Variants in HDGFL3 observed in about 807,000 individuals in gnomAD.
HDGFL3 encodes HDGF like 3.
A neutral mutation model predicts 27.6 loss-of-function variants in HDGFL3; 6 were observed. That is an observed-to-expected ratio of 0.22 (90% CI 0.12 to 0.43). The LOEUF is 0.43. Among genes scored for constraint, HDGFL3 ranks in the 20% least tolerant of loss-of-function variants. The pLI is 1.00. For synonymous variants in HDGFL3, 88 were observed against 88.9 expected, an observed-to-expected ratio of 0.99 and a Z score of 0.05; for missense variants, 207 against 250.1, an observed-to-expected ratio of 0.83 and a Z score of 1.16.
chr15:83,142,861 C>A (rs1231586033), intron 5 of HDGFL3, among the ~76,000 whole-genome samples: 1 of 152,024 alleles, frequency 6.6e-6, no homozygotes, highest in African/African-American at 2.4e-5. Context: ...TGTCTTTCTG[C>A]AAACTTTTCT....
chr15:83,154,142 C>T (rs1295569966), intron 4 of HDGFL3, among the ~76,000 whole-genome samples: 6 of 150,640 alleles, frequency 4.0e-5, no homozygotes, highest in African/African-American at 7.3e-5. Flanking sequence ...TGATAAAATC[C>T]GGTCTCTACT....
intron 5 of HDGFL3, among the ~76,000 whole-genome samples, 198 bp downstream of exon 5, chr15:83,151,017 G>A (rs541377963): frequency 6.6e-6 from 1 of 152,234 alleles, no homozygotes; most frequent in East Asian, 1.9e-4. Flanking sequence ...TTGACAGGCA[G>A]GTATAATTCT....
chr15:83,175,641 C>T (rs531286347), intron 1 of HDGFL3, among the ~76,000 whole-genome samples: 9 of 152,100 alleles, frequency 5.9e-5, no homozygotes, highest in Non-Finnish European at 1.3e-4. Context: ...GGGTGGATCA[C>T]GAGGTCAGGA....
intron 1 of HDGFL3, among the ~76,000 whole-genome samples, chr15:83,170,648 A>T (rs1200233590): frequency 6.6e-6 from 1 of 152,200 alleles, no homozygotes; most frequent in African/African-American, 2.4e-5. Flanking sequence ...ACCATTTTGG[A>T]CACAGGCCTT....
intron 1 of HDGFL3, among the ~76,000 whole-genome samples, chr15:83,174,371 A>C (rs1040408448): frequency 6.6e-6 from 1 of 152,156 alleles, no homozygotes. Flanking sequence ...TATCTAAATC[A>C]AGTTCTTATC....
rs1223983389 is a variant in HDGFL3 at position 83,138,852 on chromosome 15, G to A, written c.*418C>T. ...TAATTCCTGGGTTCTGTCACAGAGAGGAAATTCCATTCTTAAGCATTATGT... is the reference window on the plus strand; with the variant it reads ...TAATTCCTGGGTTCTGTCACAGAGAAGAAATTCCATTCTTAAGCATTATGT... On this transcript the variant is annotated 3_prime_UTR_variant, in exon 6 of 6. Coordinates refer to ENST00000299633, the MANE Select transcript of HDGFL3 (RefSeq NM_016073.4). 3 of 154,096 alleles carry A rather than the reference G, an allele frequency of 1.9e-5. No homozygotes were observed. The highest frequency in any genetic ancestry group is 4.3e-5 in the Non-Finnish European group (3 of 69,456). The allele number at this position is 154,096 out of a possible 1,614,324, so 9.5% of individuals were successfully genotyped here.
At chr15:83,193,111 T>C (rs1427120463) in intron 1 of HDGFL3, among the ~76,000 whole-genome samples, 2 of 152,078 alleles carry the variant, frequency 1.3e-5, no homozygotes, top group African/African-American at 2.4e-5. Context: ...TTTGAATAAA[T>C]TACAATAAGC....
At chr15:83,170,249 C>G (rs1340596878) in intron 1 of HDGFL3, among the ~76,000 whole-genome samples, 2 of 152,138 alleles carry the variant, frequency 1.3e-5, no homozygotes, top group Non-Finnish European at 2.9e-5. Context: ...AAAAAGGAAC[C>G]TGAATAACCA....
chr15:83,156,526 G>A (rs1461927838), intron 4 of HDGFL3, among the ~76,000 whole-genome samples: 1 of 152,198 alleles, frequency 6.6e-6, no homozygotes, highest in Non-Finnish European at 1.5e-5. Context: ...CACATTCTTT[G>A]AAGCAGAATG....
intron 1 of HDGFL3, among the ~76,000 whole-genome samples, chr15:83,201,148 T>C (rs2037640399): frequency 6.6e-6 from 1 of 152,064 alleles, no homozygotes; most frequent in South Asian, 2.1e-4. Context: ...AGATCCTTCA[T>C]AGTCAGTACT....
At chr15:83,183,543 T>C (rs2037404841) in intron 1 of HDGFL3, among the ~76,000 whole-genome samples, 1 of 152,024 alleles carries the variant, frequency 6.6e-6, no homozygotes, top group African/African-American at 2.4e-5. Context: ...GGCAGATCAC[T>C]AGAGGTCAGG....
intron 1 of HDGFL3, among the ~76,000 whole-genome samples, chr15:83,165,805 A>AAAG (rs1387769740): frequency 1.3e-5 from 2 of 150,076 alleles, no homozygotes; most frequent in African/African-American, 4.9e-5. Context: ...AAAAAAAAAA[A>AAAG]AAAAAAAAAA....
At chr15:83,165,129 TCTACC>T (rs1407497881) in intron 1 of HDGFL3, among the ~76,000 whole-genome samples, 6 of 152,314 alleles carry the variant, frequency 3.9e-5, no homozygotes, top group Non-Finnish European at 4.4e-5. Context: ...GCTTCCCCTC[TCTACC>T]TCAAACATGA....
chr15:83,192,109 T>A, intron 1 of HDGFL3: 4 of 291,272 alleles, frequency 1.4e-5, no homozygotes, highest in Non-Finnish European at 2.7e-5. Flanking sequence ...GCCTGGCTAA[T>A]TTTTTGTATT....
At chr15:83,165,550 T>C (rs1374386858) in intron 1 of HDGFL3, among the ~76,000 whole-genome samples, 1 of 152,180 alleles carries the variant, frequency 6.6e-6, no homozygotes, top group East Asian at 1.9e-4. Flanking sequence ...TTCTCTGAAT[T>C]TCCCCCATTG....
At chr15:83,146,657 C>T (rs2036898594) in intron 5 of HDGFL3, among the ~76,000 whole-genome samples, 2 of 152,150 alleles carry the variant, frequency 1.3e-5, no homozygotes, top group Non-Finnish European at 2.9e-5. Flanking sequence ...TAGTTAAATT[C>T]AATTATCTGT....
chr15:83,119,584 C>A, intron 3 of HDGFL3: 1 of 1,614,044 alleles, frequency 6.2e-7, no homozygotes, highest in Non-Finnish European at 8.5e-7. Flanking sequence ...TTAGGGTGAA[C>A]CGTATCTGAA....
intron 2 of HDGFL3, among the ~76,000 whole-genome samples, chr15:83,162,981 T>C (rs1468587207): frequency 6.6e-6 from 1 of 152,174 alleles, no homozygotes; most frequent in Non-Finnish European, 1.5e-5. Context: ...TACTGAATAT[T>C]CCTTCCAATT....
chr15:83,167,257 A>T (rs572884614), intron 1 of HDGFL3, among the ~76,000 whole-genome samples: 1 of 152,164 alleles, frequency 6.6e-6, no homozygotes, highest in South Asian at 2.1e-4. Flanking sequence ...CAACAACAGT[A>T]AAAAAAGGAC....
Sources: allele counts gnomAD v4.1 joint callset (sites outside exome capture counted in the v4.1 genomes callset), GRCh38; gene constraint gnomAD v4.1.1; transcripts MANE v1.5; gene names NCBI Gene and HGNC (gene_info 2026-07-23, HGNC 2026-07-21).